The following PSG3 variants were observed in gnomAD, a reference collection of about 807,000 sequenced individuals.
PSG3 encodes the protein pregnancy-specific beta-1-glycoprotein 3.
A neutral mutation model predicts 47.5 loss-of-function variants in PSG3; 61 were observed. That is an observed-to-expected ratio of 1.28 (90% confidence interval 1.05 to 1.59). The LOEUF (loss-of-function observed/expected upper bound fraction) is 1.59. Among genes scored for constraint, PSG3 ranks in the 40% most tolerant of loss-of-function variants. The probability of loss-of-function intolerance (pLI) is 0.00; values close to 1 mark genes in which losing one functional copy is unlikely to be tolerated. For missense variants in PSG3, 756 were observed against 524.0 expected, an observed-to-expected ratio of 1.44 and a Z score of -4.32; for synonymous variants, 263 against 198.4, an observed-to-expected ratio of 1.33 and a Z score of -2.74.
At chr19:42,727,209 G>T (rs1052138523) in intron 5 of PSG3, among the ~76,000 whole-genome samples, 6 of 152,152 alleles carry the variant, frequency 3.9e-5, no homozygotes, top group Admixed American at 3.9e-4. Context: ...ATTTCACAAT[G>T]ATTTCCTGGT....
chr19:42,727,789 T>C (rs11665703), intron 5 of PSG3, among the ~76,000 whole-genome samples: 3,146 of 152,210 alleles, frequency 0.021, 46 homozygotes, highest in South Asian at 0.046. Flanking sequence ...CCCCATAGAA[T>C]TGAAAGAAAT....
At position 42,729,782 on chromosome 19, in the gene PSG3, G is replaced by T. The variant is rs746737175; in HGVS notation, c.984C>A (p.Val328=). 1.2e-6 allele frequency: 2 copies of T among 1,613,556 alleles called. No homozygotes were observed. Among genetic ancestry groups the T allele is most frequent in the African/African-American group, 2.7e-5 (2 of 74,916 alleles). ...GIRSYPVTLN[V]LYGPDLPRIY... ...AGAGGAACAAAAGATACTCACAGAG[G>T]ACATTCAGGGTGACTGGGTAACTGC... The change falls in exon 4 of 7, where the codon GTC becomes GTA. Residue 328 remains valine, a synonymous_variant. Transcript: ENST00000327495.
intron 2 of PSG3, among the ~76,000 whole-genome samples, chr19:42,736,897 C>T (rs1388319658): frequency 2.0e-5 from 3 of 152,074 alleles, no homozygotes; most frequent in African/African-American, 7.2e-5. Context: ...GTGGGCCAGG[C>T]CACAGTGTTA....
chr19:42,740,347 A>T lies in PSG3; in HGVS notation c.38T>A (p.Ile13Asn). 1 of 1,613,904 alleles carries T rather than the reference A, an allele frequency of 6.2e-7. No homozygotes were observed. Among genetic ancestry groups the T allele is most frequent in the Non-Finnish European group, 8.5e-7 (1 of 1,179,864 alleles). ...TGTGAGCAGGAGCCCCTTCCAGGTG[A>T]TGCGCTGTGTGCAGGGAGGGGCTGA... ...PLSAPPCTQR[I>N]TWKGLLLTAL... is the part of the protein sequence containing the mutation. The change falls in exon 1 of 7, where the codon ATC (isoleucine) becomes AAC (asparagine). Residue 13 changes from isoleucine (I) to asparagine (N), a missense_variant. By Grantham distance (149) the Ile-to-Asn change is moderately radical. Transcript: ENST00000327495.
intron 2 of PSG3, among the ~76,000 whole-genome samples, chr19:42,734,383 G>A (rs1969526734): frequency 6.6e-6 from 1 of 152,162 alleles, no homozygotes; most frequent in Admixed American, 6.5e-5. Context: ...GTGGTCAGAA[G>A]GGTTGAGTTT....
rs1969652158 is a variant in PSG3 at position 42,740,369 on chromosome 19, C to T, written c.16G>A (p.Ala6Thr). ...GTGATGCGCTGTGTGCAGGGAGGGG[C>T]TGAGAGGGGCCCCATGGTCTCTGCT... The part of the protein sequence containing the change: MGPLS[A>T]PPCTQRITWK... The change falls in exon 1 of 7, where the codon GCC becomes ACC. Residue 6 changes from alanine (A) to threonine (T), a missense_variant. Physicochemically the swap from Ala to Thr is moderately conservative, Grantham distance 58 (BLOSUM62 0). Coordinates refer to ENST00000327495, the MANE Select transcript of PSG3 (RefSeq NM_021016.4). 1 of 1,614,018 alleles carries T rather than the reference C, an allele frequency of 6.2e-7. No homozygotes were observed. Among genetic ancestry groups the T allele is most frequent in the Non-Finnish European group, 8.5e-7 (1 of 1,179,918 alleles).
intron 6 of PSG3, 50 bp from the exon 7 acceptor site, chr19:42,722,140 A>G: frequency 2.5e-6 from 1 of 406,894 alleles, no homozygotes; most frequent in Non-Finnish European, 4.4e-6. Flanking sequence ...TCTAATGAGA[A>G]TTTATTATGG....
intron 5 of PSG3, 154 bp downstream of exon 5, chr19:42,728,969 A>G: frequency 6.4e-7 from 1 of 1,551,492 alleles, no homozygotes. Context: ...GAGAGTCTGT[A>G]GAGACAAATT....
chr19:42,739,819 A>G (rs1391170389), intron 1 of PSG3, among the ~76,000 whole-genome samples: 3 of 152,192 alleles, frequency 2.0e-5, no homozygotes, highest in African/African-American at 7.2e-5. Flanking sequence ...GGAAAACAGA[A>G]CACTTAAGAT....
intron 3 of PSG3, among the ~76,000 whole-genome samples, chr19:42,730,675 A>T (rs1226809270): frequency 6.6e-6 from 1 of 152,200 alleles, no homozygotes; most frequent in Non-Finnish European, 1.5e-5. Flanking sequence ...TTTCATGATG[A>T]CTTACTTGAA....
intron 2 of PSG3, among the ~76,000 whole-genome samples, chr19:42,736,401 A>T (rs1969563047): frequency 1.3e-5 from 2 of 152,176 alleles, no homozygotes; most frequent in Admixed American, 6.5e-5. Context: ...ATTCAAGCAC[A>T]AACAGATCAT....
At position 42,729,158 on chromosome 19, in the gene PSG3, A is replaced by T. The variant is rs17405169; in HGVS notation, c.1208T>A (p.Met403Lys). ...ACSVRNSATGMESSKSMTVKV... is the reference protein window; with the variant it reads ...ACSVRNSATGKESSKSMTVKV... ...GACTGTCATGGATTTGGAGCTTTCC[A>T]TGCCAGTGGCTGAGTTACGAACAGA... is the stretch of plus-strand genomic sequence containing the variant. Residue 403 changes from methionine to lysine, a missense_variant, in exon 5 of 7, where the codon ATG (methionine) becomes AAG (lysine). Met to Lys is a moderately conservative substitution (Grantham distance 95, BLOSUM62 -1). Transcript: ENST00000327495. The T allele has an allele frequency of 3.2e-5, 51 of 1,613,882 alleles. No homozygotes were observed. Among genetic ancestry groups the T allele is most frequent in the East Asian group, 1.8e-4 (8 of 44,896 alleles).
rs1969304481 is a variant in PSG3, at chr19:42,721,825, C to T, written c.*306G>A. 4.9e-6 allele frequency: 2 copies of T among 411,282 alleles called. No homozygotes were observed. The highest frequency in any genetic ancestry group is 8.9e-6 in the Non-Finnish European group (2 of 225,696). 25.5% of individuals were successfully genotyped at this position (411,282 alleles called of 1,614,324 possible). On this transcript the variant is annotated 3_prime_UTR_variant, in exon 7 of 7. Coordinates refer to ENST00000327495, the MANE Select transcript of PSG3 (RefSeq NM_021016.4). ...GAATAAAACATTCAAAGAATCAGCA[C>T]ATTTTCAAATAGAAAATTATGAAAA...
chr19:42,735,243 C>T lies in PSG3; in HGVS notation c.431-2181G>A, dbSNP rs769268554. Among the ~76,000 whole-genome samples the T allele has an allele frequency of 1.2e-4, 19 of 152,312 alleles. 1 individual carries two copies. The highest frequency in any genetic ancestry group is 2.8e-4 in the Non-Finnish European group (19 of 68,020). ...AATGTTGTTCCACTTTTTTTCCCCACTCTTGTTGAACTTTCCTGTTTCAGT... is the reference window on the plus strand; with the variant it reads ...AATGTTGTTCCACTTTTTTTCCCCATTCTTGTTGAACTTTCCTGTTTCAGT... On this transcript the variant is annotated intron_variant, in intron 2 of 6. Transcript: ENST00000327495.
At chr19:42,732,549 G>T (rs528537094) in intron 3 of PSG3, 177 of 983,570 alleles carry the variant, frequency 1.8e-4, no homozygotes, top group East Asian at 1.3e-3. Context: ...CACCTGTTTT[G>T]CCCATCACAA....
chr19:42,732,440 G>C (rs2353149), intron 3 of PSG3: 1 of 465,570 alleles, frequency 2.1e-6, no homozygotes, highest in South Asian at 2.6e-5. Flanking sequence ...GGAAAATCCT[G>C]GTCTGTGGAA....
Position 42,733,729 on chromosome 19 carries a change from A to G in PSG3, c.431-667T>C, listed in dbSNP as rs1334208586. On this transcript the variant is annotated intron_variant, in intron 2 of 6. Transcript: ENST00000327495. ...TAGAGCAGAGTCCAAGGAATGACCT[A>G]CAAAGAGTGAAGGGGACAGGCAAGA... is the stretch of plus-strand genomic sequence containing the variant. 5 of 154,280 alleles carry G rather than the reference A, an allele frequency of 3.2e-5. No individual in the cohort carries two copies. In the East Asian group the frequency reaches 9.6e-4, roughly 30 times the overall value. 9.6% of individuals were successfully genotyped at this position (154,280 alleles called of 1,614,324 possible).
intron 2 of PSG3, among the ~76,000 whole-genome samples, chr19:42,736,152 G>A (rs1205678050): frequency 3.3e-5 from 5 of 152,170 alleles, no homozygotes; most frequent in African/African-American, 7.2e-5. Context: ...TTATAGGAGG[G>A]AACTGAATTC....
At chr19:42,725,916 A>G (rs1969371015) in intron 5 of PSG3, among the ~76,000 whole-genome samples, 1 of 151,490 alleles carries the variant, frequency 6.6e-6, no homozygotes, top group South Asian at 2.1e-4. Flanking sequence ...AAAAGAAAAA[A>G]GAAAAATGAA....
Sources: allele counts gnomAD v4.1 joint callset (sites outside exome capture counted in the v4.1 genomes callset), GRCh38; gene constraint gnomAD v4.1.1; transcripts MANE v1.5; gene names NCBI Gene and HGNC (gene_info 2026-07-23, HGNC 2026-07-21).